CHMP7: variants seen among roughly 807,000 people sequenced by gnomAD.
CHMP7 encodes charged multivesicular body protein 7, also known as CHMP family, member 7.
In CHMP7, 15 loss-of-function variants were observed where a neutral mutation model predicts 53.7. The ratio of observed to expected loss-of-function variants is 0.28; its 90% CI spans 0.19 to 0.43. CHMP7 has a LOEUF of 0.43. Ranked by LOEUF, CHMP7 falls within the 20% of genes least tolerant of loss-of-function variation. The pLI, the probability that CHMP7 is intolerant of heterozygous loss-of-function variation, is 1.00. For synonymous variants in CHMP7, 261 were observed against 228.0 expected, an observed-to-expected ratio of 1.14 and a Z score of -1.30; for missense variants, 527 against 569.4, an observed-to-expected ratio of 0.93 and a Z score of 0.76.
At chr8:23,253,765 T>A (rs1035697210) in intron 3 of CHMP7, among the ~76,000 whole-genome samples, 2 of 152,346 alleles carry the variant, frequency 1.3e-5, no homozygotes, top group South Asian at 4.1e-4. Flanking sequence ...ACCAGTGTTA[T>A]CTTCTGAATT....
At chr8:23,256,687 T>A in intron 5 of CHMP7, 94 bp downstream of exon 5, 1 of 792,310 alleles carries the variant, frequency 1.3e-6, no homozygotes, top group Non-Finnish European at 1.8e-6. Context: ...AAAAAATAGG[T>A]GGGTTTTTTT....
chr8:23,249,348 T>C lies in CHMP7; in HGVS notation c.438T>C (p.Ala146=), dbSNP rs756220811. The C allele has an allele frequency of 6.2e-7, 1 of 1,610,858 alleles. No homozygotes were observed. The highest frequency in any genetic ancestry group is 1.1e-5 in the South Asian group (1 of 90,678). The change falls in exon 3 of 11, where the codon GCT becomes GCC. Residue 146 remains alanine (A), a synonymous_variant. Coordinates refer to ENST00000397677, the MANE Select transcript of CHMP7 (RefSeq NM_152272.5). ...SNMLGDNKVP[A]EEVLVAVELL... ...TGCTGGGAGATAATAAGGTTCCAGC[T>C]GAGGAGGTCCTTGTCGCTGTGGAGC...
chr8:23,253,318 C>G (rs930312184), intron 3 of CHMP7, among the ~76,000 whole-genome samples: 7 of 152,238 alleles, frequency 4.6e-5, no homozygotes, highest in Admixed American at 4.6e-4. Flanking sequence ...GAGTCTCACT[C>G]TGTTGCCCAG....
At chr8:23,258,987 C>T in intron 8 of CHMP7, 79 bp from the exon 9 acceptor site, 1 of 1,102,510 alleles carries the variant, frequency 9.1e-7, no homozygotes, top group Non-Finnish European at 1.4e-6. Flanking sequence ...TGCTTTGTAA[C>T]CCTAGATATT....
chr8:23,259,388 TCTCA>T (rs1802291091), intron 9 of CHMP7, among the ~76,000 whole-genome samples: 1 of 149,400 alleles, frequency 6.7e-6, no homozygotes, highest in African/African-American at 2.5e-5. Context: ...TTAGATGGAG[TCTCA>T]CTCTGTCACC....
intron 4 of CHMP7, among the ~76,000 whole-genome samples, chr8:23,256,041 T>C (rs1456633755): frequency 6.6e-6 from 1 of 152,102 alleles, no homozygotes; most frequent in African/African-American, 2.4e-5. Flanking sequence ...ATTACAGGTG[T>C]AAACCACCGT....
intron 3 of CHMP7, among the ~76,000 whole-genome samples, chr8:23,252,072 G>GAA (rs11435557): frequency 1.1e-4 from 16 of 149,616 alleles, no homozygotes; most frequent in Non-Finnish European, 8.9e-5. Context: ...AACTTATTGG[G>GAA]AAAAAAAAAA....
At position 23,260,196 on chromosome 8, in the gene CHMP7, C is replaced by T. The variant is rs770374576; in HGVS notation, c.1173C>T (p.Thr391=). The change falls in exon 10 of 11, where the codon ACC becomes ACT. Residue 391 remains threonine, a synonymous_variant. Transcript: ENST00000397677. ...EKELDILLQD[T]TKEPLDLPDN... ...AATTGGACATCCTCCTTCAGGATACCACCAAAGAACCTTTGGATCTGCCTG... is the reference window on the plus strand; with the variant it reads ...AATTGGACATCCTCCTTCAGGATACTACCAAAGAACCTTTGGATCTGCCTG... 1.2e-6 allele frequency: 2 copies of T among 1,614,094 alleles called. No homozygotes were observed. Among genetic ancestry groups the T allele is most frequent in the South Asian group, 1.1e-5 (1 of 91,074 alleles).
chr8:23,260,324 G>T lies in CHMP7; in HGVS notation c.1300+1G>T. The T allele has an allele frequency of 6.2e-7, 1 of 1,614,146 alleles. No individual in the cohort carries two copies. Among genetic ancestry groups the T allele is most frequent in the Non-Finnish European group, 8.5e-7 (1 of 1,179,988 alleles). Reference sequence around the variant, plus strand: ...GAGAAACTGTCCTTATCAGAGGGAGGTATGGAGCTGTTTTCCAAGGCCTTT... The same window carrying T: ...GAGAAACTGTCCTTATCAGAGGGAGTTATGGAGCTGTTTTCCAAGGCCTTT... On this transcript the variant is annotated splice_donor_variant, in intron 10 of 10. Coordinates refer to ENST00000397677, the MANE Select transcript of CHMP7 (RefSeq NM_152272.5). LOFTEE classifies it high-confidence loss of function.
chr8:23,258,094 C>G lies in CHMP7; in HGVS notation c.840+13C>G, dbSNP rs1331756262. 6.2e-7 allele frequency: 1 copy of G among 1,609,314 alleles called. No homozygotes were observed. Among genetic ancestry groups the G allele is most frequent in the East Asian group, 2.2e-5 (1 of 44,852 alleles). ...AAAGAAGCAGCTGGTGAGTTCTTGTCTCCTCCAGACCCATAGCAGTGCCCC... is the reference window on the plus strand; with the variant it reads ...AAAGAAGCAGCTGGTGAGTTCTTGTGTCCTCCAGACCCATAGCAGTGCCCC... On this transcript the variant is annotated intron_variant, in intron 6 of 10. Transcript: ENST00000397677.
At chr8:23,252,647 G>T (rs1439943481) in intron 3 of CHMP7, among the ~76,000 whole-genome samples, 1 of 152,144 alleles carries the variant, frequency 6.6e-6, no homozygotes, top group Non-Finnish European at 1.5e-5. Context: ...TATTTCTGTA[G>T]TCAGATCTCT....
intron 3 of CHMP7, among the ~76,000 whole-genome samples, chr8:23,251,152 T>C (rs1801914960): frequency 6.6e-6 from 1 of 152,178 alleles, no homozygotes; most frequent in South Asian, 2.1e-4. Context: ...GGTAAACCCA[T>C]GGATCCCCAC....
rs1189185049 is a variant in CHMP7, at chr8:23,246,613, G to A, written c.-83G>A. ...GTGTGAACGAGAAGGAGGTGGTCAA[G>A]GAACGGAAGCCGGGAGGGAACGAGG... On this transcript the variant is annotated 5_prime_UTR_variant, in exon 2 of 11. Transcript: ENST00000397677. The A allele has an allele frequency of 1.6e-6, 2 of 1,232,284 alleles. No individual in the cohort carries two copies. The highest frequency in any genetic ancestry group is 1.5e-5 in the South Asian group (1 of 68,180). 76.3% of individuals were successfully genotyped at this position (1,232,284 alleles called of 1,614,324 possible).
Position 23,261,009 on chromosome 8 carries a change from A to G in CHMP7, c.*410A>G, listed in dbSNP as rs1022315131. On this transcript the variant is annotated 3_prime_UTR_variant, in exon 11 of 11. Transcript: ENST00000397677. ...CCCCTGCGGTTTTTTAGAGGGGTTT[A>G]TCCTGTCGCTAATGTCAGTTAAATA... The G allele has an allele frequency of 9.4e-6, 2 of 213,536 alleles. No homozygotes were observed. Among genetic ancestry groups the G allele is most frequent in the African/African-American group, 4.6e-5 (2 of 43,562 alleles). 13.2% of individuals were successfully genotyped at this position (213,536 alleles called of 1,614,324 possible).
chr8:23,245,306 C>G lies in CHMP7; in HGVS notation c.-440-950C>G, dbSNP rs192396040. ...TTTATCAAGTGGAGGATGTGTCCCT[C>G]TATTCCTAGAGTGCCGAGACTTTTT... On this transcript the variant is annotated intron_variant, in intron 1 of 10. Transcript: ENST00000397677. Among the ~76,000 whole-genome samples, 294 of 152,328 alleles carry G rather than the reference C, an allele frequency of 1.9e-3. 3 individuals carry two copies. The highest frequency in any genetic ancestry group is 7.0e-3 in the Admixed American group (107 of 15,310).
intron 3 of CHMP7, among the ~76,000 whole-genome samples, chr8:23,252,856 T>G (rs997844974): frequency 7.2e-5 from 11 of 152,254 alleles, no homozygotes; most frequent in African/African-American, 2.4e-4. Flanking sequence ...CTTGATGTCG[T>G]GTAACATTAA....
Position 23,256,598 on chromosome 8 carries a change from C to G in CHMP7, c.791+5C>G, listed in dbSNP as rs1563409700. ...CTTATCCCAGGAAGCAGAGAGGTAACTTTTAACCCTGAACTGAGCCTCCTC... is the reference window on the plus strand; with the variant it reads ...CTTATCCCAGGAAGCAGAGAGGTAAGTTTTAACCCTGAACTGAGCCTCCTC... On this transcript the variant is annotated splice_donor_5th_base_variant and intron_variant, in intron 5 of 10. Coordinates refer to ENST00000397677, the MANE Select transcript of CHMP7 (RefSeq NM_152272.5). 1 of 1,613,146 alleles carries G rather than the reference C, an allele frequency of 6.2e-7. No individual in the cohort carries two copies. The highest frequency in any genetic ancestry group is 2.2e-5 in the East Asian group (1 of 44,852).
Position 23,259,308 on chromosome 8 carries a change from A to G in CHMP7, c.1120+182A>G, listed in dbSNP as rs993235017. The stretch of plus-strand genomic sequence containing the variant: ...CTCAGCCTCCCAAGTAGCTGGGACT[A>G]CAGGCGCCTGCCACTATGCCCGGCT... On this transcript the variant is annotated intron_variant, in intron 9 of 10. Transcript: ENST00000397677. Among the ~76,000 whole-genome samples the G allele has an allele frequency of 2.3e-4, 34 of 148,358 alleles. 1 individual carries two copies. The highest frequency in any genetic ancestry group is 4.6e-4 in the Non-Finnish European group (31 of 66,900).
In CHMP7 at chr8:23,255,426, G is replaced by A; in HGVS notation, c.651G>A (p.Gly217=). The change falls in exon 4 of 11, where the codon GGG becomes GGA. Residue 217 remains glycine (G), a synonymous_variant. Transcript: ENST00000397677. ...EKRVTVLEQN[G]EKIVKFARGP... ...GGGTCACAGTCCTCGAGCAGAACGG[G>A]GAGAAGGTATGGAGGCTCATCTGTT... The A allele has an allele frequency of 6.2e-7, 1 of 1,614,130 alleles. No homozygotes were observed. Among genetic ancestry groups the A allele is most frequent in the Non-Finnish European group, 8.5e-7 (1 of 1,179,958 alleles).
Sources: allele counts gnomAD v4.1 joint callset (sites outside exome capture counted in the v4.1 genomes callset), GRCh38; gene constraint gnomAD v4.1.1; transcripts MANE v1.5; gene names NCBI Gene and HGNC (gene_info 2026-07-23, HGNC 2026-07-21).